The following CENPO variants were observed in gnomAD, a reference collection of about 807,000 sequenced individuals.
CENPO encodes the protein centromeric protein O.
In CENPO, 30 loss-of-function variants were observed where a neutral mutation model predicts 36.1. The ratio of observed to expected loss-of-function variants is 0.83; its 90% CI spans 0.62 to 1.13. The LOEUF is 1.13. Among genes scored for constraint, CENPO ranks in the 50% most tolerant of loss-of-function variants. The probability of loss-of-function intolerance (pLI) is 0.00; values close to 1 mark genes in which losing one functional copy is unlikely to be tolerated. For synonymous variants in CENPO, 171 were observed against 142.3 expected (o/e 1.20, Z -1.44); for missense variants, 349 against 357.8 (o/e 0.98, Z 0.20).
At chr2:24,799,586 AG>A in intron 2 of CENPO, 88 bp from the exon 3 acceptor site, 8 of 958,674 alleles carry the variant, frequency 8.3e-6, no homozygotes, top group East Asian at 2.7e-5. Context: ...AAAAAAAAAA[AG>A]AGTCACCTGT....
At chr2:24,814,850 A>G (rs1371564236) in intron 4 of CENPO, 3 of 206,182 alleles carry the variant, frequency 1.5e-5, no homozygotes, top group African/African-American at 6.9e-5. Context: ...TCTCCGTTTC[A>G]CCGTAAATAG....
rs977337968 is a variant in CENPO at position 24,819,559 on chromosome 2, C to A, written c.*241C>A. On this transcript the variant is annotated 3_prime_UTR_variant, in exon 8 of 8. Transcript: ENST00000380834. ...CCACCAAGCCCTGTCTGAAGTGGAG[C>A]TTCCCCGCCTGTGCTCCCTCCACAG... 6.0e-6 allele frequency: 1 copy of A among 166,332 alleles called. No individual in the cohort carries two copies. Among genetic ancestry groups the A allele is most frequent in the Non-Finnish European group, 1.3e-5 (1 of 76,890 alleles). The allele number at this position is 166,332 out of a possible 1,614,324, so 10.3% of individuals were successfully genotyped here. A position where few individuals can be genotyped will look rare whatever the true frequency, so the allele number is the denominator to read the frequency against.
intron 6 of CENPO, 139 bp downstream of exon 6, chr2:24,816,956 GAT>G: frequency 3.0e-6 from 2 of 668,528 alleles, no homozygotes; most frequent in Non-Finnish European, 4.6e-6. Context: ...AGACCGGTAA[GAT>G]AGAACATTCT....
At position 24,795,707 on chromosome 2, in the gene CENPO, T is replaced by C. The variant is rs1248048623; in HGVS notation, c.46+1742T>C. On this transcript the variant is annotated intron_variant, in intron 2 of 7. Coordinates refer to ENST00000380834, the MANE Select transcript of CENPO (RefSeq NM_001322101.2). ...ATAAAGTAGAATTTGGTGAGGCGTC[T>C]CCTCTACCACCCTAAATTATTCTAT... Among the ~76,000 whole-genome samples, 29 of 152,198 alleles carry C rather than the reference T, an allele frequency of 1.9e-4. 1 individual carries two copies. Among genetic ancestry groups the C allele is most frequent in the Admixed American group, 1.8e-3 (27 of 15,274 alleles).
chr2:24,803,694 C>G lies in CENPO; in HGVS notation c.216+3850C>G, dbSNP rs560216017. 4.8e-3 allele frequency among the ~76,000 whole-genome samples: 731 copies of G among 152,242 alleles called. 8 individuals are homozygous for G. The highest frequency in any genetic ancestry group is 0.016 in the African/African-American group (663 of 41,544). ...TTTGATTGCACTGTCGTCTGAGAGA[C>G]AGTTTGTTATAATTTCTGTTCTTTT... is the stretch of plus-strand genomic sequence containing the variant. On this transcript the variant is annotated intron_variant, in intron 3 of 7. Transcript: ENST00000380834.
rs763818902 is a variant in CENPO at position 24,793,973 on chromosome 2, G to A, written c.46+8G>A. On this transcript the variant is annotated splice_region_variant and intron_variant, in intron 2 of 7. Transcript: ENST00000380834. ...ATGGCGAGTCCAAAGGAGGTATTCA[G>A]AGGGTCGCCGCCTCCTTCCTGCTGC... 3.1e-6 allele frequency: 5 copies of A among 1,603,198 alleles called. No homozygotes were observed. The South Asian group carries it at 5.5e-5, about 18-fold the overall frequency.
chr2:24,804,740 C>T (rs1232127066), intron 3 of CENPO, among the ~76,000 whole-genome samples: 1 of 152,176 alleles, frequency 6.6e-6, no homozygotes, highest in Non-Finnish European at 1.5e-5. Flanking sequence ...CCCGACCTTT[C>T]TCTCTGGCTG....
intron 3 of CENPO, among the ~76,000 whole-genome samples, chr2:24,806,627 C>T (rs949713672): frequency 3.3e-5 from 5 of 152,132 alleles, no homozygotes; most frequent in Non-Finnish European, 7.4e-5. Context: ...TATGCATATT[C>T]GGTTTAGTAA....
chr2:24,806,110 G>A (rs139689001), intron 3 of CENPO, among the ~76,000 whole-genome samples: 2,130 of 152,324 alleles, frequency 0.014, 25 homozygotes, highest in Non-Finnish European at 0.019. Flanking sequence ...GTGGGCGTAG[G>A]ACCCTCTGAG....
In CENPO at chr2:24,821,147, C is replaced by G. The variant is rs963386267; in HGVS notation, c.*1829C>G. 1.1e-5 allele frequency: 5 copies of G among 439,752 alleles called. No individual in the cohort carries two copies. Among genetic ancestry groups the G allele is most frequent in the African/African-American group, 6.0e-5 (3 of 49,976 alleles). 27.2% of individuals were successfully genotyped at this position (439,752 alleles called of 1,614,324 possible). On this transcript the variant is annotated 3_prime_UTR_variant, in exon 8 of 8. Transcript: ENST00000380834. Reference sequence around the variant, plus strand: ...GGGACCTCACTCAGGAATGATACCCCCTCAGTAGAAGCAGCAGGTGATCTT... The same window carrying G: ...GGGACCTCACTCAGGAATGATACCCGCTCAGTAGAAGCAGCAGGTGATCTT...
chr2:24,798,148 A>G (rs1326557622), intron 2 of CENPO, among the ~76,000 whole-genome samples: 2 of 152,166 alleles, frequency 1.3e-5, no homozygotes. Context: ...CTCAACTTGC[A>G]TGGACAACTC....
In CENPO at chr2:24,806,466, AC is replaced by A. The variant is rs532424585; in HGVS notation, c.216+6627del. Among the ~76,000 whole-genome samples, 170 of 152,060 alleles carry A rather than the reference AC, an allele frequency of 1.1e-3. 1 individual carries two copies. The highest frequency in any genetic ancestry group is 3.8e-3 in the African/African-American group (157 of 41,452). On this transcript the variant is annotated intron_variant, in intron 3 of 7. Coordinates refer to ENST00000380834, the MANE Select transcript of CENPO (RefSeq NM_001322101.2). The stretch of plus-strand genomic sequence containing the variant: ...GTTCCTATTCGGCCATCTTGGCTCC[AC>A]CCCCTCACCTAACATTTGTCAGGCA...
At chr2:24,815,283 G>T (rs1666887655) in intron 4 of CENPO, among the ~76,000 whole-genome samples, 2 of 151,470 alleles carry the variant, frequency 1.3e-5, no homozygotes, top group Admixed American at 1.3e-4. Flanking sequence ...CATTTAGGTT[G>T]TTTTTTCATT....
At chr2:24,818,724 G>A (rs1171359642) in intron 7 of CENPO, among the ~76,000 whole-genome samples, 1 of 152,180 alleles carries the variant, frequency 6.6e-6, no homozygotes, top group Non-Finnish European at 1.5e-5. Context: ...CAGGCTCTCC[G>A]GTTAGTGTCC....
intron 3 of CENPO, among the ~76,000 whole-genome samples, chr2:24,813,237 C>CT (rs1197992418): frequency 6.6e-6 from 1 of 152,062 alleles, no homozygotes; most frequent in East Asian, 1.9e-4. Flanking sequence ...CAGCAAAACT[C>CT]TGTCTGGAAA....
chr2:24,796,085 G>A (rs1027222181), intron 2 of CENPO, among the ~76,000 whole-genome samples: 1 of 152,108 alleles, frequency 6.6e-6, no homozygotes, highest in Non-Finnish European at 1.5e-5. Flanking sequence ...GCCGGGCGCG[G>A]TGGCTCACAC....
In CENPO at chr2:24,801,150, C is replaced by G. The variant is rs1036279227; in HGVS notation, c.216+1306C>G. On this transcript the variant is annotated intron_variant, in intron 3 of 7. Transcript: ENST00000380834. ...CTTTTGAGAAGTGTCTGTTCATGTC[C>G]TTTGCCCACTTTTTGATGGGGTTGT... is the stretch of plus-strand genomic sequence containing the variant. Among the ~76,000 whole-genome samples the G allele has an allele frequency of 7.9e-5, 12 of 152,318 alleles. No homozygotes were observed. The South Asian group carries it at 1.5e-3, about 18-fold the overall frequency.
intron 2 of CENPO, among the ~76,000 whole-genome samples, chr2:24,794,449 G>A (rs1183424401): frequency 6.6e-6 from 1 of 152,222 alleles, no homozygotes. Context: ...TGTAGTTGTG[G>A]TTGTGGAAAA....
At chr2:24,810,233 T>A (rs904040553) in intron 3 of CENPO, among the ~76,000 whole-genome samples, 1 of 152,264 alleles carries the variant, frequency 6.6e-6, no homozygotes. Context: ...GTTGACTTTT[T>A]TTTATTATGA....
Sources: gnomAD v4.1 joint callset for allele counts (sites outside exome capture counted in the v4.1 genomes callset) on GRCh38, gnomAD v4.1.1 for gene constraint, MANE v1.5 for transcripts, NCBI Gene and HGNC (gene_info 2026-07-23, HGNC 2026-07-21) for gene names.